Variants in GALNT2 observed in about 807,000 individuals in gnomAD.
GALNT2 encodes the protein polypeptide N-acetylgalactosaminyltransferase 2, also known as UDP-GalNAc:polypeptide N-acetylgalactosaminyltransferase 2.
In GALNT2, 31 loss-of-function variants were observed where a neutral mutation model predicts 81.4. The ratio of observed to expected loss-of-function variants is 0.38; its 90% confidence interval spans 0.29 to 0.51. The LOEUF (loss-of-function observed/expected upper bound fraction) is 0.51. GALNT2 is among the 20% of genes least tolerant of loss of function. The probability of loss-of-function intolerance (pLI) is 0.87; values close to 1 mark genes in which losing one functional copy is unlikely to be tolerated. For synonymous variants in GALNT2, 303 were observed against 287.4 expected (o/e 1.05, Z -0.55); for missense variants, 629 against 765.7 (o/e 0.82, Z 2.11).
At position 230,115,339 on chromosome 1, in the gene GALNT2, G is replaced by C. The variant is rs191561603; in HGVS notation, c.126+47933G>C. 1.0e-3 allele frequency among the ~76,000 whole-genome samples: 159 copies of C among 152,208 alleles called. 2 individuals are homozygous for C. The highest frequency in any genetic ancestry group is 3.7e-3 in the African/African-American group (154 of 41,526). Reference sequence around the variant, plus strand: ...GGTTTGGACAAATGTACAGACACACGTCTGAGAAAATTGTGGGTTTGATTT... The same window carrying C: ...GGTTTGGACAAATGTACAGACACACCTCTGAGAAAATTGTGGGTTTGATTT... On this transcript the variant is annotated intron_variant, in intron 1 of 15. Transcript: ENST00000366672.
intron 1 of GALNT2, among the ~76,000 whole-genome samples, chr1:230,106,833 C>T (rs12751815): frequency 0.28 from 42,673 of 151,996 alleles, 6,031 homozygotes; most frequent in African/African-American, 0.32. Flanking sequence ...GGTGCCTTAG[C>T]CTGGATGATA....
chr1:230,262,754 A>G, intron 12 of GALNT2, 89 bp downstream of exon 12: 1 of 1,400,174 alleles, frequency 7.1e-7, no homozygotes, highest in Non-Finnish European at 1.0e-6. Flanking sequence ...CGTTGAATTC[A>G]GCTACCCAGG....
At chr1:230,076,584 T>A (rs1659565011) in intron 1 of GALNT2, among the ~76,000 whole-genome samples, 3 of 152,124 alleles carry the variant, frequency 2.0e-5, no homozygotes, top group Admixed American at 6.5e-5. Context: ...GTATTGTACT[T>A]GGGGACAGTA....
intron 3 of GALNT2, among the ~76,000 whole-genome samples, chr1:230,214,462 C>T (rs925098221): frequency 2.0e-5 from 3 of 152,214 alleles, no homozygotes; most frequent in African/African-American, 7.2e-5. Context: ...TCTGGGTTGA[C>T]AGTGACTGTC....
chr1:230,185,273 C>CGTGTGTGTGTGTGT (rs1177553093), intron 2 of GALNT2, among the ~76,000 whole-genome samples: 9 of 119,512 alleles, frequency 7.5e-5, no homozygotes, highest in African/African-American at 2.7e-4. Flanking sequence ...TGCGTGCGTG[C>CGTGTGTGTGTGTGT]GTGTGTGTGT....
At chr1:230,209,593 G>A (rs1486044187) in intron 3 of GALNT2, among the ~76,000 whole-genome samples, 1 of 152,224 alleles carries the variant, frequency 6.6e-6, no homozygotes, top group African/African-American at 2.4e-5. Context: ...TGTAATCCCA[G>A]CACTTTGGGA....
intron 1 of GALNT2, among the ~76,000 whole-genome samples, chr1:230,059,501 G>A (rs1448383822): frequency 1.3e-5 from 2 of 152,194 alleles, no homozygotes; most frequent in Non-Finnish European, 2.9e-5. Context: ...GTAAATGAAG[G>A]TAGAAGAAAG....
Position 230,076,084 on chromosome 1 carries a change from G to A in GALNT2, c.126+8678G>A, listed in dbSNP as rs191415787. Among the ~76,000 whole-genome samples the A allele has an allele frequency of 1.0e-3, 157 of 152,272 alleles. 1 individual carries two copies. Among genetic ancestry groups the A allele is most frequent in the African/African-American group, 3.4e-3 (143 of 41,542 alleles). ...CACCTGTTCTTGTTCTGGTCTCCTC[G>A]ATGAGGCATGAATGCATCCTGGTTA... On this transcript the variant is annotated intron_variant, in intron 1 of 15. Coordinates refer to ENST00000366672, the MANE Select transcript of GALNT2 (RefSeq NM_004481.5).
intron 1 of GALNT2, among the ~76,000 whole-genome samples, chr1:230,060,509 A>C (rs1176492540): frequency 1.3e-5 from 2 of 151,902 alleles, no homozygotes; most frequent in African/African-American, 2.4e-5. Context: ...CAGCTACTAA[A>C]TCCCCCATCC....
chr1:230,183,506 C>G (rs1469641371), intron 2 of GALNT2, among the ~76,000 whole-genome samples: 1 of 152,118 alleles, frequency 6.6e-6, no homozygotes, highest in African/African-American at 2.4e-5. Flanking sequence ...ACAGGTAGTG[C>G]ACGTATCTTA....
At chr1:230,277,197 C>T (rs1200780733) in intron 15 of GALNT2, among the ~76,000 whole-genome samples, 2 of 152,048 alleles carry the variant, frequency 1.3e-5, no homozygotes, top group Non-Finnish European at 2.9e-5. Flanking sequence ...AAGACTCAGG[C>T]TATTAGAGAG....
intron 3 of GALNT2, among the ~76,000 whole-genome samples, chr1:230,206,634 A>G (rs1558139894): frequency 6.6e-6 from 1 of 152,220 alleles, no homozygotes; most frequent in Admixed American, 6.5e-5. Flanking sequence ...ACCTTTCTGT[A>G]TAAAATGTTT....
chr1:230,083,393 A>T (rs1659805543), intron 1 of GALNT2, among the ~76,000 whole-genome samples: 1 of 142,520 alleles, frequency 7.0e-6, no homozygotes, highest in Admixed American at 7.0e-5. Context: ...GAGTGGGATG[A>T]TGGAGCAGGG....
chr1:230,079,649 G>A (rs1659668970), intron 1 of GALNT2, among the ~76,000 whole-genome samples: 1 of 152,230 alleles, frequency 6.6e-6, no homozygotes, highest in Non-Finnish European at 1.5e-5. Context: ...TACTGGGGCT[G>A]GTGATCTACT....
intron 15 of GALNT2, among the ~76,000 whole-genome samples, chr1:230,278,867 G>A (rs889277599): frequency 6.6e-6 from 1 of 152,218 alleles, no homozygotes; most frequent in Non-Finnish European, 1.5e-5. Flanking sequence ...TCCAGGCAGG[G>A]CTGCTTTCCA....
At chr1:230,161,120 T>A (rs1662418075) in intron 1 of GALNT2, among the ~76,000 whole-genome samples, 1 of 152,246 alleles carries the variant, frequency 6.6e-6, no homozygotes, top group African/African-American at 2.4e-5. Flanking sequence ...GATGTATTAT[T>A]TCTTACAGTC....
chr1:230,174,801 C>T (rs541875711), intron 1 of GALNT2, among the ~76,000 whole-genome samples: 1 of 152,346 alleles, frequency 6.6e-6, no homozygotes, highest in South Asian at 2.1e-4. Context: ...AGGTCTCAGA[C>T]TATCCTGCCG....
intron 14 of GALNT2, among the ~76,000 whole-genome samples, chr1:230,273,356 TAGAA>T (rs1282568208): frequency 1.3e-5 from 2 of 152,104 alleles, no homozygotes; most frequent in African/African-American, 2.4e-5. Flanking sequence ...GACAGACCGA[TAGAA>T]AGACAGACAG....
At chr1:230,146,780 A>G (rs1468378587) in intron 1 of GALNT2, among the ~76,000 whole-genome samples, 1 of 152,218 alleles carries the variant, frequency 6.6e-6, no homozygotes, top group East Asian at 1.9e-4. Flanking sequence ...GTGAAATGGC[A>G]TGCCAGGGGC....
Sources: allele counts gnomAD v4.1 joint callset (sites outside exome capture counted in the v4.1 genomes callset), GRCh38; gene constraint gnomAD v4.1.1; transcripts MANE v1.5; gene names NCBI Gene and HGNC (gene_info 2026-07-23, HGNC 2026-07-21).